The following CNTNAP2 variants were observed in gnomAD, a reference collection of about 807,000 sequenced individuals.
CNTNAP2 encodes the protein contactin associated protein 2, also known as contactin-associated protein-like 2.
A neutral mutation model predicts 155.2 loss-of-function variants in CNTNAP2; 98 were observed. The ratio of observed to expected loss-of-function variants is 0.63; its 90% CI spans 0.54 to 0.75. The LOEUF is 0.75. Among genes scored for constraint, CNTNAP2 ranks in the 30% least tolerant of loss-of-function variants. The pLI is 0.00. For synonymous variants in CNTNAP2, 651 were observed against 631.2 expected (o/e 1.03, Z -0.47); for missense variants, 1,727 against 1,688.1 (o/e 1.02, Z -0.40).
Position 146,376,081 on chromosome 7 carries a change from A to G in CNTNAP2, c.97+259108A>G, listed in dbSNP as rs181199349. On this transcript the variant is annotated intron_variant, in intron 1 of 23. Coordinates refer to ENST00000361727, the MANE Select transcript of CNTNAP2 (RefSeq NM_014141.6). ...TATCTTGCTACCTCTCCCCAGTAAG[A>G]TAGGGTTCCCACTCTTTTAGTTGGC... 1.4e-3 allele frequency among the ~76,000 whole-genome samples: 216 copies of G among 152,292 alleles called. 5 individuals carry two copies. The East Asian group carries it at 0.026, about 19-fold the overall frequency.
At chr7:147,064,632 G>C (rs984385868) in intron 4 of CNTNAP2, among the ~76,000 whole-genome samples, 3 of 152,064 alleles carry the variant, frequency 2.0e-5, no homozygotes, top group African/African-American at 7.2e-5. Context: ...AGTTCTTATA[G>C]TGTATTTTTC....
At chr7:146,592,340 C>T (rs1247920555) in intron 1 of CNTNAP2, among the ~76,000 whole-genome samples, 1 of 152,172 alleles carries the variant, frequency 6.6e-6, no homozygotes, top group Non-Finnish European at 1.5e-5. Context: ...GTGGAAGTGT[C>T]CCCTTTAGAT....
intron 22 of CNTNAP2, among the ~76,000 whole-genome samples, chr7:148,394,375 A>T (rs1215499700): frequency 6.6e-6 from 1 of 152,156 alleles, no homozygotes; most frequent in Admixed American, 6.6e-5. Context: ...GCCTTGTGAC[A>T]TGGGAGCAAA....
intron 22 of CNTNAP2, among the ~76,000 whole-genome samples, chr7:148,395,223 G>A (rs997426724): frequency 3.7e-5 from 5 of 134,980 alleles, no homozygotes; most frequent in African/African-American, 5.6e-5. Context: ...TTCTACTGTC[G>A]TGTCTTCTTT....
At chr7:146,646,350 A>G (rs950371045) in intron 1 of CNTNAP2, among the ~76,000 whole-genome samples, 7 of 152,148 alleles carry the variant, frequency 4.6e-5, no homozygotes, top group African/African-American at 1.7e-4. Context: ...GCACATGTGT[A>G]TTTATGTGTA....
intron 9 of CNTNAP2, among the ~76,000 whole-genome samples, chr7:147,316,321 T>C (rs1795232828): frequency 6.6e-6 from 1 of 151,894 alleles, no homozygotes; most frequent in African/African-American, 2.4e-5. Context: ...ACTCTGATAA[T>C]AAAAACCTTA....
At chr7:146,486,166 T>G (rs1797055436) in intron 1 of CNTNAP2, among the ~76,000 whole-genome samples, 1 of 146,686 alleles carries the variant, frequency 6.8e-6, no homozygotes, top group African/African-American at 2.5e-5. Flanking sequence ...CCAGGTTCAC[T>G]CTATTCTCCT....
chr7:146,355,261 C>A (rs7800227), intron 1 of CNTNAP2, among the ~76,000 whole-genome samples: 72,238 of 151,976 alleles, frequency 0.48, 19,945 homozygotes, highest in African/African-American at 0.77. Context: ...AAGCCATAGC[C>A]AGTACATAAA....
At chr7:146,974,441 AAAAAAAT>A (rs939722261) in intron 3 of CNTNAP2, among the ~76,000 whole-genome samples, 1 of 151,256 alleles carries the variant, frequency 6.6e-6, no homozygotes, top group East Asian at 1.9e-4. Context: ...TCCGTCTTAA[AAAAAAAT>A]AAAAAATAAA....
At chr7:147,775,315 A>T (rs1264559382) in intron 13 of CNTNAP2, among the ~76,000 whole-genome samples, 6 of 41,304 alleles carry the variant, frequency 1.5e-4, no homozygotes, top group Admixed American at 7.1e-4. Flanking sequence ...TTATAAATAT[A>T]TATATATTTA....
At chr7:147,929,906 A>C (rs1800466808) in intron 14 of CNTNAP2, among the ~76,000 whole-genome samples, 1 of 152,218 alleles carries the variant, frequency 6.6e-6, no homozygotes, top group Non-Finnish European at 1.5e-5. Flanking sequence ...CATAAGGAGC[A>C]CACAACCTAG....
Position 148,255,999 on chromosome 7 carries a change from C to T in CNTNAP2, c.3382-11034C>T, listed in dbSNP as rs577326361. Among the ~76,000 whole-genome samples, 12 of 152,274 alleles carry T rather than the reference C, an allele frequency of 7.9e-5. No homozygotes were observed. The South Asian group carries it at 2.5e-3, about 32-fold the overall frequency. ...GAAAAGATGGTGATAAACTACATCT[C>T]TGAGGCCCCTCCCTACCTGAAAATC... On this transcript the variant is annotated intron_variant, in intron 20 of 23. Coordinates refer to ENST00000361727, the MANE Select transcript of CNTNAP2 (RefSeq NM_014141.6).
intron 1 of CNTNAP2, among the ~76,000 whole-genome samples, chr7:146,156,453 A>T (rs1798127617): frequency 6.6e-6 from 1 of 152,168 alleles, no homozygotes; most frequent in Non-Finnish European, 1.5e-5. Context: ...TATTCCTCTA[A>T]TTTTTTGCAA....
intron 10 of CNTNAP2, among the ~76,000 whole-genome samples, chr7:147,430,719 C>A (rs1389857677): frequency 6.6e-6 from 1 of 151,968 alleles, no homozygotes; most frequent in African/African-American, 2.4e-5. Context: ...GAGGAGGGAG[C>A]ATTATAGGGT....
At chr7:146,631,063 TA>T (rs1250160214) in intron 1 of CNTNAP2, among the ~76,000 whole-genome samples, 2 of 152,052 alleles carry the variant, frequency 1.3e-5, no homozygotes, top group African/African-American at 2.4e-5. Flanking sequence ...AAAACTACTT[TA>T]AATTTCATAT....
intron 1 of CNTNAP2, among the ~76,000 whole-genome samples, chr7:146,542,292 A>T (rs1797964628): frequency 6.6e-6 from 1 of 151,982 alleles, no homozygotes; most frequent in Non-Finnish European, 1.5e-5. Flanking sequence ...AACAGAAACC[A>T]CAATTTATAA....
intron 1 of CNTNAP2, among the ~76,000 whole-genome samples, chr7:146,607,678 A>C (rs984086978): frequency 6.6e-6 from 1 of 151,504 alleles, no homozygotes; most frequent in African/African-American, 2.4e-5. Context: ...GGGTCTCACT[A>C]TGTTACCTAG....
intron 1 of CNTNAP2, among the ~76,000 whole-genome samples, chr7:146,645,906 C>G (rs1799803414): frequency 6.6e-6 from 1 of 152,058 alleles, no homozygotes; most frequent in Non-Finnish European, 1.5e-5. Context: ...TCAAAATGAG[C>G]AATTTCTTTT....
intron 11 of CNTNAP2, among the ~76,000 whole-genome samples, chr7:147,534,127 T>G (rs1377159158): frequency 2.0e-5 from 3 of 152,136 alleles, no homozygotes; most frequent in Non-Finnish European, 4.4e-5. Context: ...CCTGGAGTGA[T>G]TTTGACCCCC....
Sources: allele counts gnomAD v4.1 joint callset (sites outside exome capture counted in the v4.1 genomes callset), GRCh38; gene constraint gnomAD v4.1.1; transcripts MANE v1.5; gene names NCBI Gene and HGNC (gene_info 2026-07-23, HGNC 2026-07-21).